COL19A1: variants seen among roughly 807,000 people sequenced by gnomAD.
The protein encoded by COL19A1 is collagen alpha-1(XIX) chain.
In COL19A1, 159 loss-of-function variants were observed where a neutral mutation model predicts 190.2. The observed-to-expected ratio is 0.84, with a 90% CI of 0.73 to 0.95. COL19A1 has a LOEUF of 0.95. COL19A1 is among the 40% of genes least tolerant of loss of function. COL19A1 has a pLI of 0.00. For missense variants in COL19A1, 1,418 were observed against 1,431.9 expected (o/e 0.99, Z 0.16); for synonymous variants, 509 against 458.9 (o/e 1.11, Z -1.39).
intron 18 of COL19A1, among the ~76,000 whole-genome samples, chr6:70,137,149 C>T (rs1188443732): frequency 6.6e-6 from 1 of 152,154 alleles, no homozygotes; most frequent in Non-Finnish European, 1.5e-5. Context: ...ACTGCTGTCA[C>T]CACATCTACA....
At chr6:69,940,260 C>T (rs1303940764) in intron 9 of COL19A1, among the ~76,000 whole-genome samples, 1 of 152,080 alleles carries the variant, frequency 6.6e-6, no homozygotes, top group South Asian at 2.1e-4. Context: ...CTCACTTTAA[C>T]ATTTAAATAT....
At chr6:70,105,345 A>T (rs1783884412) in intron 16 of COL19A1, among the ~76,000 whole-genome samples, 2 of 151,942 alleles carry the variant, frequency 1.3e-5, no homozygotes, top group East Asian at 3.9e-4. Flanking sequence ...TTTAGTAGAG[A>T]CAGGGTTTTA....
intron 11 of COL19A1, among the ~76,000 whole-genome samples, chr6:69,990,906 T>A (rs1193421630): frequency 6.6e-6 from 1 of 152,034 alleles, no homozygotes; most frequent in Non-Finnish European, 1.5e-5. Flanking sequence ...TGACTTCTAT[T>A]TTAGGTTTGG....
intron 11 of COL19A1, among the ~76,000 whole-genome samples, chr6:69,996,322 G>A (rs1776902303): frequency 6.6e-6 from 1 of 152,128 alleles, no homozygotes; most frequent in South Asian, 2.1e-4. Context: ...ACTAGACTCA[G>A]GTCACTAGAT....
intron 47 of COL19A1, among the ~76,000 whole-genome samples, chr6:70,189,325 A>G (rs574205618): frequency 2.2e-4 from 34 of 152,288 alleles, no homozygotes; most frequent in Non-Finnish European, 4.4e-4. Context: ...AAGGCTCACT[A>G]TCTAAGTAGG....
At chr6:69,949,766 G>A (rs1774019365) in intron 9 of COL19A1, among the ~76,000 whole-genome samples, 1 of 151,766 alleles carries the variant, frequency 6.6e-6, no homozygotes, top group African/African-American at 2.4e-5. Flanking sequence ...GACTCTGCTT[G>A]TCAGCAGTTA....
At chr6:69,896,176 G>T (rs917622301) in intron 2 of COL19A1, among the ~76,000 whole-genome samples, 1 of 152,062 alleles carries the variant, frequency 6.6e-6, no homozygotes, top group Non-Finnish European at 1.5e-5. Context: ...CCCATTTTGG[G>T]GCACTCCTTT....
chr6:69,989,444 G>A (rs1480354445), intron 11 of COL19A1, among the ~76,000 whole-genome samples: 4 of 151,882 alleles, frequency 2.6e-5, no homozygotes, highest in Middle Eastern at 3.4e-3. Flanking sequence ...CTAGAATAAC[G>A]TCCCTCTATT....
chr6:69,908,869 G>T (rs1160917571), intron 4 of COL19A1, among the ~76,000 whole-genome samples: 1 of 152,090 alleles, frequency 6.6e-6, no homozygotes, highest in Non-Finnish European at 1.5e-5. Flanking sequence ...TTATTAGCCA[G>T]AGAGAAATAA....
intron 2 of COL19A1, among the ~76,000 whole-genome samples, chr6:69,895,985 G>A (rs1377473178): frequency 2.0e-5 from 3 of 152,054 alleles, no homozygotes; most frequent in African/African-American, 7.2e-5. Flanking sequence ...CCTTTCTCCT[G>A]GTTCATTGAA....
intron 7 of COL19A1, among the ~76,000 whole-genome samples, chr6:69,934,317 T>C (rs1772966374): frequency 6.6e-6 from 1 of 151,974 alleles, no homozygotes; most frequent in Non-Finnish European, 1.5e-5. Flanking sequence ...ATACCTAGAC[T>C]TCCTGGAGCT....
intron 10 of COL19A1, among the ~76,000 whole-genome samples, chr6:69,961,483 A>G (rs1158407489): frequency 1.3e-5 from 2 of 152,212 alleles, no homozygotes; most frequent in Non-Finnish European, 2.9e-5. Flanking sequence ...TGGTGGCTGC[A>G]TCATGCTGAC....
chr6:69,919,267 T>A (rs781205358), intron 4 of COL19A1, among the ~76,000 whole-genome samples: 1 of 152,236 alleles, frequency 6.6e-6, no homozygotes, highest in Non-Finnish European at 1.5e-5. Context: ...TTGTTAGTAA[T>A]GTGTGACCGA....
At chr6:70,118,884 C>A (rs972067060) in intron 16 of COL19A1, among the ~76,000 whole-genome samples, 2 of 152,172 alleles carry the variant, frequency 1.3e-5, no homozygotes, top group Non-Finnish European at 2.9e-5. Flanking sequence ...ACCCCACCCC[C>A]AGTGGTAAGC....
intron 11 of COL19A1, among the ~76,000 whole-genome samples, chr6:69,967,816 G>A (rs540583268): frequency 1.1e-4 from 16 of 152,162 alleles, no homozygotes; most frequent in Admixed American, 9.8e-4. Flanking sequence ...ACATTCCACA[G>A]ACCCGTATTC....
At chr6:70,098,221 C>G (rs1307251218) in intron 15 of COL19A1, among the ~76,000 whole-genome samples, 3 of 152,096 alleles carry the variant, frequency 2.0e-5, no homozygotes, top group African/African-American at 7.2e-5. Flanking sequence ...TGATTTTAGT[C>G]CTAGGAAGGG....
At chr6:70,135,021 A>G (rs1347461604) in intron 18 of COL19A1, among the ~76,000 whole-genome samples, 2 of 152,002 alleles carry the variant, frequency 1.3e-5, no homozygotes, top group African/African-American at 4.8e-5. Context: ...GGTCCTTATG[A>G]CCCCGTCCGC....
intron 4 of COL19A1, among the ~76,000 whole-genome samples, chr6:69,903,371 G>T (rs987116286): frequency 6.6e-6 from 1 of 152,192 alleles, no homozygotes; most frequent in African/African-American, 2.4e-5. Flanking sequence ...GTAAATCTGT[G>T]CTAAGGGACT....
chr6:70,109,957 G>A (rs186325576), intron 16 of COL19A1, among the ~76,000 whole-genome samples: 17 of 152,252 alleles, frequency 1.1e-4, no homozygotes, highest in Admixed American at 2.6e-4. Flanking sequence ...AGTGCCTTCC[G>A]GCACTTGTGC....
Sources: allele counts gnomAD v4.1 joint callset (sites outside exome capture counted in the v4.1 genomes callset), GRCh38; gene constraint gnomAD v4.1.1; transcripts MANE v1.5; gene names NCBI Gene and HGNC (gene_info 2026-07-23, HGNC 2026-07-21).